Variants in WDPCP observed in about 807,000 individuals in gnomAD.
WDPCP encodes the protein WD repeat-containing and planar cell polarity effector protein fritz homolog.
WDPCP carries 71 observed loss-of-function variants against 93.1 expected under a neutral mutation model. The ratio of observed to expected loss-of-function variants is 0.76; its 90% CI spans 0.63 to 0.93. The LOEUF (loss-of-function observed/expected upper bound fraction) is 0.93. Among genes scored for constraint, WDPCP ranks in the 40% least tolerant of loss-of-function variants. The pLI is 0.00. For synonymous variants in WDPCP, 315 were observed against 315.0 expected (o/e 1.00, Z 0.00); for missense variants, 844 against 887.4 (o/e 0.95, Z 0.62).
chr2:63,162,930 C>T (rs939674197), intron 15 of WDPCP, among the ~76,000 whole-genome samples: 4 of 152,108 alleles, frequency 2.6e-5, no homozygotes, highest in Non-Finnish European at 5.9e-5. Flanking sequence ...GAAAACACTT[C>T]TTAAAATACA....
chr2:63,613,827 G>A (rs951959577), intron 3 of WDPCP, among the ~76,000 whole-genome samples: 3 of 152,118 alleles, frequency 2.0e-5, no homozygotes, highest in Non-Finnish European at 4.4e-5. Flanking sequence ...GTTATCTCTG[G>A]TATTTCCCTT....
intron 2 of WDPCP, among the ~76,000 whole-genome samples, chr2:63,714,427 A>T (rs1380653237): frequency 6.6e-6 from 1 of 152,146 alleles, no homozygotes; most frequent in Non-Finnish European, 1.5e-5. Flanking sequence ...CCCTTATAAG[A>T]TAAGTTCATT....
intron 1 of WDPCP, among the ~76,000 whole-genome samples, chr2:63,505,843 A>G (rs1429600088): frequency 6.6e-6 from 1 of 152,110 alleles, no homozygotes; most frequent in East Asian, 1.9e-4. Context: ...CATTCACAAT[A>G]TGAAGTTAAC....
chr2:63,553,825 A>G (rs1264375876), intron 1 of WDPCP, among the ~76,000 whole-genome samples: 3 of 152,314 alleles, frequency 2.0e-5, no homozygotes, highest in Admixed American at 1.3e-4. Context: ...TTCCCCAATT[A>G]ACATTTTACC....
intron 15 of WDPCP, among the ~76,000 whole-genome samples, chr2:63,165,055 T>A (rs1400699661): frequency 6.6e-6 from 1 of 152,144 alleles, no homozygotes; most frequent in African/African-American, 2.4e-5. Context: ...AATAAATGGA[T>A]TAAACCCTCC....
At position 63,552,577 on chromosome 2, in the gene WDPCP, TG is replaced by T. The variant is rs1287630036; in HGVS notation, c.75+35619del. Among the ~76,000 whole-genome samples the T allele has an allele frequency of 3.3e-5, 5 of 152,338 alleles. No individual in the cohort carries two copies. The East Asian group carries it at 9.6e-4, about 29-fold the overall frequency. ...GGGGTACATGTGTGGGTTTGTTATA[TG>T]GGTATATTGCGTGATGCTGGGTATC... is the stretch of plus-strand genomic sequence containing the variant. On this transcript the variant is annotated intron_variant, in intron 1 of 17. Coordinates refer to ENST00000272321, the MANE Select transcript of WDPCP (RefSeq NM_015910.7).
rs145377751 is a variant in WDPCP at position 63,411,776 on chromosome 2, T to A, written c.826-7119A>T. On this transcript the variant is annotated intron_variant, in intron 9 of 17. Transcript: ENST00000272321. ...CTTTACACACATAAACTAGAAAACC[T>A]AGAATAGAGGGAAAAATTCCTGGAA... Among the ~76,000 whole-genome samples the A allele has an allele frequency of 2.6e-4, 40 of 152,072 alleles. No homozygotes were observed. The East Asian group carries it at 7.5e-3, about 29-fold the overall frequency.
chr2:63,707,415 G>A (rs940422899), intron 2 of WDPCP, among the ~76,000 whole-genome samples: 5 of 151,982 alleles, frequency 3.3e-5, no homozygotes, highest in Non-Finnish European at 5.9e-5. Flanking sequence ...CCAGTTGATC[G>A]CATCGGTTAC....
intron 2 of WDPCP, among the ~76,000 whole-genome samples, chr2:63,720,605 A>G (rs1303883227): frequency 6.6e-6 from 1 of 152,114 alleles, no homozygotes; most frequent in Non-Finnish European, 1.5e-5. Context: ...CATAGAAAAT[A>G]ACATTATTAA....
intron 13 of WDPCP, among the ~76,000 whole-genome samples, chr2:63,267,151 A>G (rs1450416663): frequency 1.3e-5 from 2 of 152,224 alleles, no homozygotes; most frequent in African/African-American, 4.8e-5. Context: ...ATGGTACAAG[A>G]TAGAAAGCCC....
intron 2 of WDPCP, among the ~76,000 whole-genome samples, chr2:63,691,966 G>T (rs556377866): frequency 6.6e-6 from 1 of 150,580 alleles, no homozygotes; most frequent in African/African-American, 2.4e-5. Context: ...CTGAATGAAT[G>T]AAATAATTAT....
intron 1 of WDPCP, among the ~76,000 whole-genome samples, chr2:63,577,186 C>T (rs185428441): frequency 6.6e-6 from 1 of 152,276 alleles, no homozygotes; most frequent in African/African-American, 2.4e-5. Flanking sequence ...AAAACCCAGA[C>T]TTCATGTCTC....
chr2:63,622,570 G>A (rs1168423543), intron 3 of WDPCP: 106 of 1,613,752 alleles, frequency 6.6e-5, no homozygotes, highest in Non-Finnish European at 8.9e-5. Flanking sequence ...TGATTCTGTG[G>A]GTCCACAATA....
At chr2:63,575,378 AG>A in intron 1 of WDPCP, among the ~76,000 whole-genome samples, 1 of 126,646 alleles carries the variant, frequency 7.9e-6, no homozygotes, top group African/African-American at 2.8e-5. Context: ...CAGTATATAC[AG>A]TATATACACG....
chr2:63,373,056 G>A (rs1218915664), intron 12 of WDPCP, among the ~76,000 whole-genome samples: 1 of 152,076 alleles, frequency 6.6e-6, no homozygotes, highest in Non-Finnish European at 1.5e-5. Flanking sequence ...CTGGGAGGCG[G>A]AGGTTGCGGT....
chr2:63,233,783 G>A (rs1008414310), intron 14 of WDPCP, among the ~76,000 whole-genome samples: 2 of 152,052 alleles, frequency 1.3e-5, no homozygotes, highest in Non-Finnish European at 2.9e-5. Context: ...GTGACTGCCT[G>A]CATGCCTCGA....
chr2:63,146,527 C>T (rs775620558), intron 17 of WDPCP, among the ~76,000 whole-genome samples: 7 of 151,580 alleles, frequency 4.6e-5, no homozygotes, highest in East Asian at 2.0e-4. Flanking sequence ...TACAGGCACA[C>T]GCCACCATGC....
At position 63,121,256 on chromosome 2, in the gene WDPCP, C is replaced by T. The variant is rs1265082545; in HGVS notation, c.*750G>A. 6.6e-6 allele frequency: 1 copy of T among 152,066 alleles called. No homozygotes were observed. 9.4% of individuals were successfully genotyped at this position (152,066 alleles called of 1,614,324 possible). The stretch of plus-strand genomic sequence containing the variant: ...ACTCATAGCAGTAATTCGAGAGAAC[C>T]ATGGAGAATTGTCTTCTAACAATGG... On this transcript the variant is annotated 3_prime_UTR_variant, in exon 18 of 18. Transcript: ENST00000272321.
At chr2:63,306,233 T>C (rs1288683220) in intron 13 of WDPCP, among the ~76,000 whole-genome samples, 1 of 152,144 alleles carries the variant, frequency 6.6e-6, no homozygotes, top group African/African-American at 2.4e-5. Flanking sequence ...AGTTCTGAAA[T>C]TGAGGCAGTA....
Sources: gnomAD v4.1 joint callset for allele counts (sites outside exome capture counted in the v4.1 genomes callset) on GRCh38, gnomAD v4.1.1 for gene constraint, MANE v1.5 for transcripts, NCBI Gene and HGNC (gene_info 2026-07-23, HGNC 2026-07-21) for gene names.